The following NCAM1 variants were observed in gnomAD, a reference collection of about 807,000 sequenced individuals.
The protein encoded by NCAM1 is antigen recognized by monoclonal antibody 5.1H11.
NCAM1 carries 14 observed loss-of-function variants against 109.8 expected under a neutral mutation model. That is an observed-to-expected ratio of 0.13 (90% CI 0.08 to 0.20). NCAM1 has a LOEUF of 0.20. NCAM1 is among the 10% of genes least tolerant of loss of function. The pLI is 1.00. For synonymous variants in NCAM1, 418 were observed against 442.9 expected (o/e 0.94, Z 0.70); for missense variants, 774 against 1,109.9 (o/e 0.70, Z 4.30).
At chr11:113,187,749 A>G (rs1434759228) in intron 1 of NCAM1, among the ~76,000 whole-genome samples, 1 of 152,066 alleles carries the variant, frequency 6.6e-6, no homozygotes, top group African/African-American at 2.4e-5. Flanking sequence ...GCAGAAAGAA[A>G]CTCAGCAACA....
intron 1 of NCAM1, among the ~76,000 whole-genome samples, chr11:113,169,048 GTGTGTGTGTGTGTGTGTGTGTGTC>G (rs1259164809): frequency 9.7e-6 from 1 of 102,980 alleles, no homozygotes; most frequent in Admixed American, 1.0e-4. Flanking sequence ...GTGTGTGTGT[GTGTGTGTGTGTGTGTGTGTGTGTC>G]TGTGTGTGTG....
At chr11:112,978,538 A>G (rs1330468496) in intron 1 of NCAM1, among the ~76,000 whole-genome samples, 1 of 151,780 alleles carries the variant, frequency 6.6e-6, no homozygotes, top group African/African-American at 2.4e-5. Flanking sequence ...GTGTAAGATG[A>G]GCTACTTATA....
chr11:113,112,946 A>G (rs1231387260), intron 1 of NCAM1, among the ~76,000 whole-genome samples: 1 of 152,122 alleles, frequency 6.6e-6, no homozygotes, highest in African/African-American at 2.4e-5. Flanking sequence ...AGCCTGGCCA[A>G]CATGGTGAAA....
intron 1 of NCAM1, among the ~76,000 whole-genome samples, chr11:113,185,128 A>G (rs112426035): frequency 0.056 from 8,141 of 145,504 alleles, 533 homozygotes; most frequent in African/African-American, 0.15. Context: ...ATTATAAGGA[A>G]TTGGCTTACA....
intron 1 of NCAM1, among the ~76,000 whole-genome samples, chr11:113,054,952 G>A (rs1953637889): frequency 6.6e-6 from 1 of 152,134 alleles, no homozygotes; most frequent in Non-Finnish European, 1.5e-5. Context: ...CTGTGTCATT[G>A]GCCATCTTAG....
Position 113,110,699 on chromosome 11 carries a change from T to C in NCAM1, c.53-91680T>C, listed in dbSNP as rs1449729838. Reference sequence around the variant, plus strand: ...TAACAAAACACTAAGAACTTTATTGTGAAGAAGCAGAAGTTTTAAATTTTC... The same window carrying C: ...TAACAAAACACTAAGAACTTTATTGCGAAGAAGCAGAAGTTTTAAATTTTC... On this transcript the variant is annotated intron_variant, in intron 1 of 19. Transcript: ENST00000316851. 8.5e-5 allele frequency among the ~76,000 whole-genome samples: 13 copies of C among 152,176 alleles called. 1 individual carries two copies.
chr11:113,075,766 A>G (rs1389114899), intron 1 of NCAM1, among the ~76,000 whole-genome samples: 1 of 152,166 alleles, frequency 6.6e-6, no homozygotes, highest in East Asian at 1.9e-4. Context: ...CCCTCCTAGA[A>G]ATTCAGTTTC....
intron 1 of NCAM1, among the ~76,000 whole-genome samples, chr11:112,964,459 C>T (rs1643561821): frequency 6.6e-6 from 1 of 152,170 alleles, no homozygotes; most frequent in Non-Finnish European, 1.5e-5. Context: ...TTGCAGTCTT[C>T]TGCCAGTTAA....
intron 1 of NCAM1, among the ~76,000 whole-genome samples, chr11:112,976,890 T>G (rs1256511287): frequency 6.6e-6 from 1 of 151,920 alleles, no homozygotes; most frequent in East Asian, 1.9e-4. Flanking sequence ...TGGTGTTTAA[T>G]GCATTGATTT....
At chr11:113,019,396 T>C (rs1235923320) in intron 1 of NCAM1, among the ~76,000 whole-genome samples, 1 of 152,222 alleles carries the variant, frequency 6.6e-6, no homozygotes, top group Non-Finnish European at 1.5e-5. Context: ...ATTTGCCTGA[T>C]TTCAATAGCT....
chr11:113,185,318 GA>G (rs1943476036), intron 1 of NCAM1, among the ~76,000 whole-genome samples: 1 of 151,972 alleles, frequency 6.6e-6, no homozygotes, highest in Admixed American at 6.6e-5. Context: ...TAGTCAAGCC[GA>G]AAGAAAGAAC....
intron 14 of NCAM1, among the ~76,000 whole-genome samples, chr11:113,237,907 T>TATATATAGAG (rs1945214282): frequency 2.8e-4 from 3 of 10,594 alleles, no homozygotes; most frequent in Non-Finnish European, 6.4e-4. Flanking sequence ...GATATATAGA[T>TATATATAGAG]ATATATAGAT....
intron 1 of NCAM1, among the ~76,000 whole-genome samples, chr11:113,198,869 C>T (rs186935388): frequency 6.6e-6 from 1 of 152,200 alleles, no homozygotes; most frequent in East Asian, 1.9e-4. Context: ...TTCTCTGAGC[C>T]CCAATTTCCA....
chr11:113,237,925 TATAGATATATAG>T lies in NCAM1; in HGVS notation c.1825+2765_1825+2776del, dbSNP rs1945218171. On this transcript the variant is annotated intron_variant, in intron 14 of 19. Coordinates refer to ENST00000316851, the MANE Select transcript of NCAM1 (RefSeq NM_181351.5). Reference sequence around the variant, plus strand: ...ATATAGATATATATAGATATATAGATATAGATATATAGATATATATATAGATATATAGATAGA... The same window carrying T: ...ATATAGATATATATAGATATATAGATATATATATATAGATATATAGATAGA... 2.7e-5 allele frequency among the ~76,000 whole-genome samples: 3 copies of T among 111,208 alleles called. No homozygotes were observed. The South Asian group carries it at 1.0e-3, about 38-fold the overall frequency. The allele number at this position is 111,208 out of a possible 152,430, so 73.0% of individuals were successfully genotyped here.
At chr11:113,255,817 G>A (rs1945817544) in intron 15 of NCAM1, 60 bp from the exon 16 acceptor site, 2 of 1,589,682 alleles carry the variant, frequency 1.3e-6, no homozygotes, top group Non-Finnish European at 1.7e-6. Flanking sequence ...ATCCCATTCA[G>A]ATGGGTTGGA....
intron 1 of NCAM1, among the ~76,000 whole-genome samples, chr11:113,040,347 T>A (rs1158120168): frequency 6.6e-6 from 1 of 152,096 alleles, no homozygotes; most frequent in Non-Finnish European, 1.5e-5. Context: ...CTGGTTGGGA[T>A]GTGATTGTCT....
intron 2 of NCAM1, among the ~76,000 whole-genome samples, chr11:113,203,386 T>C (rs1944133148): frequency 6.6e-6 from 1 of 152,228 alleles, no homozygotes; most frequent in South Asian, 2.1e-4. Context: ...GAAAACATGA[T>C]GGGCCCTGAA....
At chr11:113,231,050 G>A in intron 9 of NCAM1, 1 of 754,704 alleles carries the variant, frequency 1.3e-6, no homozygotes, top group Non-Finnish European at 2.1e-6. Flanking sequence ...CTCACTTCCA[G>A]TGCAGTGGCT....
In NCAM1 at chr11:113,197,311, G is replaced by T. The variant is rs1943887214; in HGVS notation, c.53-5068G>T. The T allele has an allele frequency of 2.5e-5, 4 of 158,388 alleles. 1 individual carries two copies. In the South Asian group the frequency reaches 6.4e-4, roughly 25 times the overall value. 9.8% of individuals were successfully genotyped at this position (158,388 alleles called of 1,614,324 possible). A position where few individuals can be genotyped will look rare whatever the true frequency, so the allele number is the denominator to read the frequency against. On this transcript the variant is annotated intron_variant, in intron 1 of 19. Coordinates refer to ENST00000316851, the MANE Select transcript of NCAM1 (RefSeq NM_181351.5). Reference sequence around the variant, plus strand: ...GTCTCAGTATCTGGATTTCCCACAGGTATAGCCAAATGAAAGAGACCTTAG... The same window carrying T: ...GTCTCAGTATCTGGATTTCCCACAGTTATAGCCAAATGAAAGAGACCTTAG...
Sources: gnomAD v4.1 joint callset for allele counts (sites outside exome capture counted in the v4.1 genomes callset) on GRCh38, gnomAD v4.1.1 for gene constraint, MANE v1.5 for transcripts, NCBI Gene and HGNC (gene_info 2026-07-23, HGNC 2026-07-21) for gene names.